PALM2AKAP2: variants seen among roughly 807,000 people sequenced by gnomAD.
The protein encoded by PALM2AKAP2 is PALM2-AKAP2 fusion protein.
A neutral mutation model predicts 71.5 loss-of-function variants in PALM2AKAP2; 37 were observed. The ratio of observed to expected loss-of-function variants is 0.52; its 90% confidence interval spans 0.40 to 0.68. The LOEUF is 0.68. PALM2AKAP2 is among the 30% of genes least tolerant of loss of function. The pLI, the probability that PALM2AKAP2 is intolerant of heterozygous loss-of-function variation, is 0.00. For synonymous variants in PALM2AKAP2, 468 were observed against 478.8 expected, an observed-to-expected ratio of 0.98 and a Z score of 0.29; for missense variants, 1,224 against 1,191.8, an observed-to-expected ratio of 1.03 and a Z score of -0.40.
intron 6 of PALM2AKAP2, among the ~76,000 whole-genome samples, chr9:109,980,493 T>C (rs1248158938): frequency 6.6e-6 from 1 of 152,232 alleles, no homozygotes. Flanking sequence ...AGTAACTTTC[T>C]GGAGGCCTCA....
At chr9:109,919,813 A>G (rs1257654434) in intron 3 of PALM2AKAP2, among the ~76,000 whole-genome samples, 2 of 151,702 alleles carry the variant, frequency 1.3e-5, no homozygotes, top group Non-Finnish European at 2.9e-5. Flanking sequence ...GTACCAGTTC[A>G]TTATTACCAC....
chr9:109,740,907 C>T (rs1325248312), intron 1 of PALM2AKAP2, among the ~76,000 whole-genome samples: 2 of 152,172 alleles, frequency 1.3e-5, no homozygotes, highest in Non-Finnish European at 2.9e-5. Context: ...CCACCTCGGC[C>T]TCCCAAAGCG....
chr9:109,813,840 G>T (rs144314837), intron 1 of PALM2AKAP2, among the ~76,000 whole-genome samples: 10 of 152,154 alleles, frequency 6.6e-5, no homozygotes, highest in Non-Finnish European at 5.9e-5. Flanking sequence ...TCTGTCCTAC[G>T]TAGGGTCTAC....
At chr9:109,640,958 G>A in intron 1 of PALM2AKAP2, 5 of 1,422,104 alleles carry the variant, frequency 3.5e-6, no homozygotes, top group Non-Finnish European at 4.6e-6. Flanking sequence ...TCGGGTCCGC[G>A]TCCAGGATGG....
At chr9:109,993,377 G>A (rs1050445852) in intron 6 of PALM2AKAP2, among the ~76,000 whole-genome samples, 6 of 152,082 alleles carry the variant, frequency 3.9e-5, no homozygotes, top group Non-Finnish European at 8.8e-5. Context: ...CAAACTCATT[G>A]AGAAGAGTTT....
At chr9:110,096,782 TG>T (rs1384754348) in intron 1 of PALM2AKAP2, among the ~76,000 whole-genome samples, 1 of 112,746 alleles carries the variant, frequency 8.9e-6, no homozygotes, top group Admixed American at 9.1e-5. Flanking sequence ...AGACTTTTTG[TG>T]GGGGGTTGGG....
intron 5 of PALM2AKAP2, 76 bp downstream of exon 5, chr9:109,925,158 T>G: frequency 6.3e-7 from 1 of 1,597,814 alleles, no homozygotes; most frequent in African/African-American, 1.3e-5. Flanking sequence ...AACAGGGGCT[T>G]AAGGAAGAGG....
intron 3 of PALM2AKAP2, among the ~76,000 whole-genome samples, chr9:109,890,949 T>C (rs1326132786): frequency 2.0e-5 from 3 of 152,126 alleles, no homozygotes; most frequent in Non-Finnish European, 4.4e-5. Context: ...GTTCCTCCTA[T>C]GCAGAAAGGC....
intron 1 of PALM2AKAP2, among the ~76,000 whole-genome samples, chr9:110,067,925 T>C (rs1214840155): frequency 1.4e-5 from 2 of 142,106 alleles, no homozygotes; most frequent in Non-Finnish European, 3.0e-5. Flanking sequence ...TAATTTTGTC[T>C]GTTTAAATTT....
intron 7 of PALM2AKAP2, among the ~76,000 whole-genome samples, chr9:110,016,472 G>A (rs1832982423): frequency 6.6e-6 from 1 of 152,220 alleles, no homozygotes; most frequent in South Asian, 2.1e-4. Context: ...GCATAAAGTA[G>A]CTTTGATCTT....
At position 109,827,438 on chromosome 9, in the gene PALM2AKAP2, T is replaced by A. The variant is rs372180162; in HGVS notation, c.46-40053T>A. 9.9e-5 allele frequency among the ~76,000 whole-genome samples: 15 copies of A among 152,122 alleles called. No homozygotes were observed. The South Asian group carries it at 3.1e-3, about 32-fold the overall frequency. ...AGCCTCCCCAATATGGTGAAACCCC[T>A]TCCCTACTCAAAATACAAAAATTAG... is the stretch of plus-strand genomic sequence containing the variant. On this transcript the variant is annotated intron_variant, in intron 1 of 9. Transcript: ENST00000302798.
At chr9:109,980,514 G>A (rs1190983052) in intron 6 of PALM2AKAP2, among the ~76,000 whole-genome samples, 1 of 152,184 alleles carries the variant, frequency 6.6e-6, no homozygotes, top group Non-Finnish European at 1.5e-5. Context: ...TCGTACACCA[G>A]CTGGGATTCA....
chr9:109,754,307 C>G (rs1263430188), intron 1 of PALM2AKAP2, among the ~76,000 whole-genome samples: 1 of 152,152 alleles, frequency 6.6e-6, no homozygotes, highest in Non-Finnish European at 1.5e-5. Context: ...GTTTTGGTTA[C>G]TGTGAATCCT....
chr9:110,156,375 C>T lies in PALM2AKAP2; in HGVS notation c.2626C>T (p.Gln876Ter). The T allele has an allele frequency of 6.2e-7, 1 of 1,611,052 alleles. No individual in the cohort carries two copies. The highest frequency in any genetic ancestry group is 8.5e-7 in the Non-Finnish European group (1 of 1,178,550). ...CCCCACCACTGAAGGCCCCAGCTTG[C>T]AGCCTGACTTAGCCCCTGAAGAGGC... The change falls in exon 3 of 4, where the codon CAG becomes TAG. Residue 876 changes from glutamine (Q) to a stop codon, truncating the protein, a stop_gained. Transcript: ENST00000374525. LOFTEE classifies it high-confidence loss of function.
intron 1 of PALM2AKAP2, among the ~76,000 whole-genome samples, chr9:109,756,947 A>G (rs1828972811): frequency 6.6e-6 from 1 of 152,158 alleles, no homozygotes; most frequent in Admixed American, 6.6e-5. Context: ...CACCTCAAGC[A>G]TTTATAGTTT....
At chr9:109,979,702 C>T (rs574917150) in intron 6 of PALM2AKAP2, among the ~76,000 whole-genome samples, 2 of 152,272 alleles carry the variant, frequency 1.3e-5, no homozygotes, top group South Asian at 4.1e-4. Flanking sequence ...ACCATCTCAA[C>T]CATTCCCTTA....
intron 1 of PALM2AKAP2, among the ~76,000 whole-genome samples, chr9:110,093,272 A>T (rs1251092163): frequency 6.6e-6 from 1 of 152,188 alleles, no homozygotes; most frequent in African/African-American, 2.4e-5. Context: ...TGAGATGACA[A>T]CTGTTTACTG....
At chr9:109,862,879 G>A (rs1004369772) in intron 1 of PALM2AKAP2, 8 of 511,506 alleles carry the variant, frequency 1.6e-5, no homozygotes, top group African/African-American at 5.8e-5. Flanking sequence ...AAACTAAGAG[G>A]ACATGAACCA....
intron 1 of PALM2AKAP2, among the ~76,000 whole-genome samples, chr9:109,717,250 G>A (rs1587880002): frequency 6.6e-6 from 1 of 152,272 alleles, no homozygotes; most frequent in East Asian, 1.9e-4. Context: ...ACACTCTAAG[G>A]ATCCTTCTAG....
Sources: gnomAD v4.1 joint callset for allele counts (sites outside exome capture counted in the v4.1 genomes callset) on GRCh38, gnomAD v4.1.1 for gene constraint, MANE v1.5 for transcripts, NCBI Gene and HGNC (gene_info 2026-07-23, HGNC 2026-07-21) for gene names.